The following CELSR1 variants were observed in gnomAD, a reference collection of about 807,000 sequenced individuals.
The protein encoded by CELSR1 is adhesion G protein-coupled receptor C1.
Under a neutral mutation model 249.1 loss-of-function variants are expected in CELSR1, and 110 were observed. The observed-to-expected ratio is 0.44, with a 90% CI of 0.38 to 0.52. The LOEUF is 0.52. Among genes scored for constraint, CELSR1 ranks in the 20% least tolerant of loss-of-function variants. The probability of loss-of-function intolerance (pLI) is 0.00; values close to 1 mark genes in which losing one functional copy is unlikely to be tolerated. For missense variants in CELSR1, 4,109 were observed against 4,296.4 expected, an observed-to-expected ratio of 0.96 and a Z score of 1.22; for synonymous variants, 2,113 against 1,900.0, an observed-to-expected ratio of 1.11 and a Z score of -2.92.
At position 46,488,813 on chromosome 22, in the gene CELSR1, C is replaced by A. The variant is rs1255323640; in HGVS notation, c.3545-24468G>T. ...TAGCTGGGACTACAGGCGCCCGCCA[C>A]CAGGCCCAGCTAATTTTTTGTATTT... On this transcript the variant is annotated intron_variant, in intron 1 of 34. Transcript: ENST00000674500. This position sits in a 1 kb window ranked among gnomAD's most constrained non-coding sequence, Gnocchi z 4.7. Among the ~76,000 whole-genome samples, 2 of 152,186 alleles carry A rather than the reference C, an allele frequency of 1.3e-5. No individual in the cohort carries two copies. The highest frequency in any genetic ancestry group is 2.4e-5 in the African/African-American group (1 of 41,462).
chr22:46,492,392 C>T (rs2080375630), intron 1 of CELSR1, among the ~76,000 whole-genome samples: 2 of 152,212 alleles, frequency 1.3e-5, no homozygotes, highest in African/African-American at 2.4e-5. Context: ...TAATTCCCGG[C>T]GCAAAGTCTT....
chr22:46,452,883 C>T (rs1030751181), intron 2 of CELSR1, among the ~76,000 whole-genome samples: 3 of 152,250 alleles, frequency 2.0e-5, no homozygotes, highest in African/African-American at 4.8e-5. Flanking sequence ...CCTGTGCCCT[C>T]CAGGCCTCAG....
In CELSR1 at chr22:46,440,101, G is replaced by A. The variant is rs150625751; in HGVS notation, c.4184-690C>T. Among the ~76,000 whole-genome samples, 1 of 152,272 alleles carries A rather than the reference G, an allele frequency of 6.6e-6. No homozygotes were observed. Among genetic ancestry groups the A allele is most frequent in the East Asian group, 1.9e-4 (1 of 5,162 alleles). On this transcript the variant is annotated intron_variant, in intron 2 of 34. Transcript: ENST00000674500. This position sits in a 1 kb window ranked among gnomAD's most constrained non-coding sequence, Gnocchi z 4.7. ...CTTTTGTGACAGGAAGGTTCTGGAA[G>A]CTTTCCCAGAAAACCAGCCAGGCAG...
intron 1 of CELSR1, among the ~76,000 whole-genome samples, chr22:46,508,868 C>T (rs2080543543): frequency 1.3e-5 from 2 of 152,168 alleles, no homozygotes; most frequent in African/African-American, 4.8e-5. Context: ...GCCCCGGGGA[C>T]CGCCATGCAG....
In CELSR1 at chr22:46,417,033, A is replaced by G. The variant is rs955468789; in HGVS notation, c.4612-5274T>C. 3.9e-5 allele frequency among the ~76,000 whole-genome samples: 6 copies of G among 152,156 alleles called. No individual in the cohort carries two copies. Among genetic ancestry groups the G allele is most frequent in the Non-Finnish European group, 8.8e-5 (6 of 68,032 alleles). On this transcript the variant is annotated intron_variant, in intron 5 of 34. Transcript: ENST00000674500. The surrounding 1 kb of genome is among the most constrained non-coding windows in gnomAD (Gnocchi z 4.1). ...AATGAATTCATGCTCTGTGTCAGAAATGATTAACCAACGTTCATATCAAAG... is the reference window on the plus strand; with the variant it reads ...AATGAATTCATGCTCTGTGTCAGAAGTGATTAACCAACGTTCATATCAAAG...
chr22:46,418,951 T>C (rs1438338311), intron 5 of CELSR1, among the ~76,000 whole-genome samples: 1 of 151,896 alleles, frequency 6.6e-6, no homozygotes, highest in African/African-American at 2.4e-5. Context: ...GAGGCAGGAG[T>C]CCCCTGGGCA....
chr22:46,524,009 C>T (rs5767240), intron 1 of CELSR1, among the ~76,000 whole-genome samples: 137,586 of 152,308 alleles, frequency 0.9, 62,164 homozygotes, highest in African/African-American at 0.94. Flanking sequence ...TTTCAGGCAA[C>T]GCAGTCACTT....
Position 46,536,509 on chromosome 22 carries a change from T to G in CELSR1, c.662A>C (p.Asn221Thr). The stretch of plus-strand genomic sequence containing the variant: ...CGGCCCCGCCCGGGCTTCGGGCAAG[T>G]TCGGCGGCAGGGGCGGCGATGGGGA... ...SPSPSPPLPP[N>T]LPEARAGPAR... The change falls in exon 1 of 35, where the codon AAC (asparagine) becomes ACC (threonine). Residue 221 changes from asparagine (N) to threonine (T), a missense_variant. Physicochemically the swap from Asn to Thr is moderately conservative, Grantham distance 65. Coordinates refer to ENST00000674500, the MANE Select transcript of CELSR1 (RefSeq NM_001378328.1). The G allele has an allele frequency of 6.6e-7, 1 of 1,523,662 alleles. No homozygotes were observed. The highest frequency in any genetic ancestry group is 8.8e-7 in the Non-Finnish European group (1 of 1,140,288). 94.4% of individuals were successfully genotyped at this position (1,523,662 alleles called of 1,614,324 possible).
chr22:46,472,655 G>A lies in CELSR1; in HGVS notation c.3545-8310C>T, dbSNP rs981809698. ...CCCGGGGCCGTCGGAGCAAAGGGCC[G>A]CCGCTGCATCACCAATACAGGACAT... On this transcript the variant is annotated intron_variant, in intron 1 of 34. Coordinates refer to ENST00000674500, the MANE Select transcript of CELSR1 (RefSeq NM_001378328.1). The surrounding 1 kb of genome is among the most constrained non-coding windows in gnomAD (Gnocchi z 7.0). Among the ~76,000 whole-genome samples the A allele has an allele frequency of 3.3e-5, 5 of 152,178 alleles. No individual in the cohort carries two copies. Among genetic ancestry groups the A allele is most frequent in the South Asian group, 2.1e-4 (1 of 4,832 alleles).
intron 19 of CELSR1, 45 bp downstream of exon 19, chr22:46,386,357 C>CCATCTGGGCCTAGCT (rs757112859): frequency 2.6e-5 from 38 of 1,480,418 alleles, no homozygotes; most frequent in Middle Eastern, 4.7e-4. Context: ...GGGGCACACC[C>CCATCTGGGCCTAGCT]CTGATGGTAG....
chr22:46,483,627 G>GT (rs1403909165), intron 1 of CELSR1, among the ~76,000 whole-genome samples: 1 of 152,070 alleles, frequency 6.6e-6, no homozygotes, highest in Admixed American at 6.6e-5. Flanking sequence ...CAAGAGCTAC[G>GT]TAAGTCTTTG....
chr22:46,498,775 G>C (rs1438801834), intron 1 of CELSR1, among the ~76,000 whole-genome samples: 1 of 152,012 alleles, frequency 6.6e-6, no homozygotes, highest in African/African-American at 2.4e-5. Context: ...TCAAATAAAA[G>C]ATATTAAGAC....
chr22:46,422,267 G>C (rs75325050), intron 5 of CELSR1, among the ~76,000 whole-genome samples: 3 of 151,764 alleles, frequency 2.0e-5, no homozygotes, highest in African/African-American at 7.3e-5. Flanking sequence ...CACCACGCCC[G>C]GCTAATTTTT....
In CELSR1 at chr22:46,366,565, C is replaced by CT. The variant is rs2078785123; in HGVS notation, c.8206-86_8206-85insA. On this transcript the variant is annotated intron_variant, in intron 29 of 34. Transcript: ENST00000674500. ...GGAATGACTCTGTCCCCACGGCAAG[C>CT]CCCCCACACCCACACCCTGGCTGGG... The CT allele has an allele frequency of 4.7e-6, 5 of 1,059,468 alleles. No individual in the cohort carries two copies. In the African/African-American group the frequency reaches 7.8e-5, roughly 16 times the overall value. 65.6% of individuals were successfully genotyped at this position (1,059,468 alleles called of 1,614,324 possible). A position where few individuals can be genotyped will look rare whatever the true frequency, so the allele number is the denominator to read the frequency against.
chr22:46,382,912 G>A (rs1057408160), intron 20 of CELSR1, among the ~76,000 whole-genome samples: 13 of 152,298 alleles, frequency 8.5e-5, no homozygotes, highest in African/African-American at 3.1e-4. Context: ...TGTTTCGTGG[G>A]CTAGAGTTTC....
chr22:46,390,258 G>T lies in CELSR1; in HGVS notation c.6345+134C>A. The T allele has an allele frequency of 1.5e-6, 1 of 680,420 alleles. No individual in the cohort carries two copies. Among genetic ancestry groups the T allele is most frequent in the Non-Finnish European group, 2.4e-6 (1 of 423,082 alleles). The allele number at this position is 680,420 out of a possible 1,614,324, so 42.1% of individuals were successfully genotyped here. ...CCTGCTGGCTCCAGGCTGCGGGCCCGTGGGGCTGTCCCTGCGCCATCCCAG... is the reference window on the plus strand; with the variant it reads ...CCTGCTGGCTCCAGGCTGCGGGCCCTTGGGGCTGTCCCTGCGCCATCCCAG... On this transcript the variant is annotated intron_variant, in intron 17 of 34. Transcript: ENST00000674500. This position sits in a 1 kb window ranked among gnomAD's most constrained non-coding sequence, Gnocchi z 6.3.
chr22:46,367,116 G>A lies in CELSR1; in HGVS notation c.8082C>T (p.Gly2694=), dbSNP rs761540388. ...YLFAIFSGLQ[G]PFVLLFHCVL... ...CGCAGTGGAAAAGGAGGACGAAGGG[G>A]CCCTGGAGGGAGGAAGGTGGGGTCA... Residue 2694 remains glycine (G), a splice_region_variant and synonymous_variant, in exon 29 of 35, where the codon GGC becomes GGT. Coordinates refer to ENST00000674500, the MANE Select transcript of CELSR1 (RefSeq NM_001378328.1). 2.2e-5 allele frequency: 36 copies of A among 1,610,390 alleles called. No homozygotes were observed. Among genetic ancestry groups the A allele is most frequent in the Non-Finnish European group, 2.5e-5 (30 of 1,179,404 alleles).
At chr22:46,414,106 C>T (rs144663710) in intron 5 of CELSR1, among the ~76,000 whole-genome samples, 5 of 152,296 alleles carry the variant, frequency 3.3e-5, no homozygotes, top group Non-Finnish European at 7.4e-5. Context: ...ATGCAATCCA[C>T]GCTTGTTTTT....
In CELSR1 at chr22:46,374,577, C is replaced by T. The variant is rs1232871474; in HGVS notation, c.7585-1520G>A. ...CTTTCCTTCTCCATGCTCAGCCGTG[C>T]GTGGCTGCCGGGACAGCGCTCACTC... On this transcript the variant is annotated intron_variant, in intron 24 of 34. Transcript: ENST00000674500. The surrounding 1 kb of genome is among the most constrained non-coding windows in gnomAD (Gnocchi z 4.3). 2.6e-5 allele frequency among the ~76,000 whole-genome samples: 4 copies of T among 152,142 alleles called. No homozygotes were observed. Among genetic ancestry groups the T allele is most frequent in the African/African-American group, 7.2e-5 (3 of 41,414 alleles).
Sources: allele counts gnomAD v4.1 joint callset (sites outside exome capture counted in the v4.1 genomes callset), GRCh38; gene constraint gnomAD v4.1.1; non-coding constraint Gnocchi (gnomAD v3.1); transcripts MANE v1.5; gene names NCBI Gene and HGNC (gene_info 2026-07-23, HGNC 2026-07-21).